The following COL8A1 variants were observed in gnomAD, a reference collection of about 807,000 sequenced individuals.
COL8A1 encodes collagen alpha-1(VIII) chain.
In COL8A1, 21 loss-of-function variants were observed where a neutral mutation model predicts 42.7. That is an observed-to-expected ratio of 0.49 (90% CI 0.35 to 0.71). COL8A1 has a LOEUF of 0.71. Ranked by LOEUF, COL8A1 falls within the 30% of genes least tolerant of loss-of-function variation. The probability of loss-of-function intolerance (pLI) is 0.01; values close to 1 mark genes in which losing one functional copy is unlikely to be tolerated. For missense variants in COL8A1, 788 were observed against 962.4 expected, an observed-to-expected ratio of 0.82 and a Z score of 2.40; for synonymous variants, 367 against 369.1, an observed-to-expected ratio of 0.99 and a Z score of 0.06.
chr3:99,775,451 G>T (rs532910650), intron 2 of COL8A1, among the ~76,000 whole-genome samples: 1 of 152,166 alleles, frequency 6.6e-6, no homozygotes, highest in Non-Finnish European at 1.5e-5. Flanking sequence ...TGTCTTATGC[G>T]TAAACTGTAG....
intron 2 of COL8A1, among the ~76,000 whole-genome samples, chr3:99,772,313 T>A (rs1021291842): frequency 6.6e-6 from 1 of 150,744 alleles, no homozygotes; most frequent in Non-Finnish European, 1.5e-5. Context: ...TTGGGGAGGG[T>A]GAGTAGAGAA....
chr3:99,716,997 T>C (rs1940017686), intron 1 of COL8A1, among the ~76,000 whole-genome samples: 2 of 151,992 alleles, frequency 1.3e-5, no homozygotes, highest in Admixed American at 6.6e-5. Flanking sequence ...CTGTGTTAAA[T>C]GTTAGCAATG....
At chr3:99,719,826 G>A (rs1306427806) in intron 1 of COL8A1, among the ~76,000 whole-genome samples, 2 of 152,058 alleles carry the variant, frequency 1.3e-5, no homozygotes, top group African/African-American at 2.4e-5. Context: ...TGGGGACCTG[G>A]ACTTAGATTC....
Position 99,795,680 on chromosome 3 carries a change from T to C in COL8A1, c.1779T>C (p.Asp593=), listed in dbSNP as rs1371447972. 3.1e-6 allele frequency: 5 copies of C among 1,613,828 alleles called. No homozygotes were observed. Among genetic ancestry groups the C allele is most frequent in the African/African-American group, 1.3e-5 (1 of 74,846 alleles). The change falls in exon 4 of 4, where the codon GAT becomes GAC. Residue 593 remains aspartate (D), a synonymous_variant. Transcript: ENST00000652472. ...TGCCAGATATGGGGCTGGGAATTGA[T>C]GGCGTGAAACCCCCCCATGCCTACG... The part of the protein sequence containing the change: ...EYLPDMGLGI[D]GVKPPHAYGA...
intron 2 of COL8A1, among the ~76,000 whole-genome samples, chr3:99,760,507 AAGAT>A (rs1349108932): frequency 3.3e-5 from 5 of 152,228 alleles, no homozygotes; most frequent in African/African-American, 9.6e-5. Context: ...AATATTTTAA[AAGAT>A]AGATAGGAAT....
At chr3:99,645,672 A>G (rs1287201763) in intron 1 of COL8A1, among the ~76,000 whole-genome samples, 2 of 151,454 alleles carry the variant, frequency 1.3e-5, no homozygotes, top group African/African-American at 4.9e-5. Context: ...CCATTGTAGT[A>G]GATCACATTG....
At position 99,798,268 on chromosome 3, in the gene COL8A1, C is replaced by A. The variant is rs1942137249; in HGVS notation, c.*2132C>A. On this transcript the variant is annotated 3_prime_UTR_variant, in exon 4 of 4. Transcript: ENST00000652472. ...TTGTCACTACTAATTATACAACAATCTTTTCCCAACAAAAAGATGTCCTCC... is the reference window on the plus strand; with the variant it reads ...TTGTCACTACTAATTATACAACAATATTTTCCCAACAAAAAGATGTCCTCC... 6.6e-6 allele frequency: 1 copy of A among 152,128 alleles called. No homozygotes were observed. Among genetic ancestry groups the A allele is most frequent in the South Asian group, 2.1e-4 (1 of 4,822 alleles). The allele number at this position is 152,128 out of a possible 1,614,324, so 9.4% of individuals were successfully genotyped here. A position where few individuals can be genotyped will look rare whatever the true frequency, so the allele number is the denominator to read the frequency against.
At position 99,794,734 on chromosome 3, in the gene COL8A1, G is replaced by T. The variant is rs754558535; in HGVS notation, c.833G>T (p.Gly278Val). The T allele has an allele frequency of 1.2e-6, 2 of 1,603,312 alleles. No individual in the cohort carries two copies. Among genetic ancestry groups the T allele is most frequent in the Non-Finnish European group, 1.7e-6 (2 of 1,176,172 alleles). ...LPGVGKPGVTGFPGPQGPLGK... is the reference protein window; with the variant it reads ...LPGVGKPGVTVFPGPQGPLGK... ...GGAGTGGGCAAACCAGGAGTGACAG[G>T]CTTCCCTGGGCCCCAGGGCCCCCTG... Residue 278 changes from glycine to valine, a missense_variant, in exon 4 of 4, where the codon GGC (glycine) becomes GTC (valine). This residue lies in a region of COL8A1 where 421 missense variants were observed against 553.1 expected (regional missense o/e 0.76). Coordinates refer to ENST00000652472, the MANE Select transcript of COL8A1 (RefSeq NM_020351.4). This position sits in a 1 kb window ranked among gnomAD's most constrained non-coding sequence, Gnocchi z 4.3.
intron 2 of COL8A1, among the ~76,000 whole-genome samples, chr3:99,760,095 ATGT>A (rs1941338753): frequency 1.3e-5 from 2 of 152,118 alleles, no homozygotes; most frequent in Admixed American, 6.6e-5. Flanking sequence ...ATTGTCAGTG[ATGT>A]TGTTGGATAG....
chr3:99,758,634 G>T (rs1047131690), intron 2 of COL8A1, among the ~76,000 whole-genome samples: 1 of 152,108 alleles, frequency 6.6e-6, no homozygotes, highest in Non-Finnish European at 1.5e-5. Flanking sequence ...GCAGATGTCT[G>T]GTCCACTCCC....
chr3:99,665,089 C>CA (rs1938322462), intron 1 of COL8A1, among the ~76,000 whole-genome samples: 1 of 152,230 alleles, frequency 6.6e-6, no homozygotes, highest in African/African-American at 2.4e-5. Flanking sequence ...TGAGCTTCTC[C>CA]ATGCTCCCTC....
At chr3:99,782,947 G>A (rs1386862853) in intron 2 of COL8A1, among the ~76,000 whole-genome samples, 3 of 151,964 alleles carry the variant, frequency 2.0e-5, no homozygotes, top group Non-Finnish European at 4.4e-5. Flanking sequence ...CTTTTTAGGG[G>A]TTTTCCCAAG....
chr3:99,669,671 T>C (rs13079203), intron 1 of COL8A1, among the ~76,000 whole-genome samples: 14,306 of 152,080 alleles, frequency 0.094, 845 homozygotes, highest in Middle Eastern at 0.12. Flanking sequence ...TCCACTTCCA[T>C]ATCCTACATA....
chr3:99,795,237 G>A lies in COL8A1; in HGVS notation c.1336G>A (p.Val446Ile), dbSNP rs1218219939. 1.2e-6 allele frequency: 2 copies of A among 1,613,374 alleles called. No individual in the cohort carries two copies. The highest frequency in any genetic ancestry group is 2.7e-5 in the African/African-American group (2 of 74,884). The change falls in exon 4 of 4, where the codon GTA becomes ATA. Residue 446 changes from valine (V) to isoleucine (I), a missense_variant. Transcript: ENST00000652472. ...FPGKPGFLGE[V>I]GPPGMRGLPG... ...AGGAAAGCCAGGTTTCCTTGGTGAAGTAGGGCCTCCTGGCATGAGGGGTTT... is the reference window on the plus strand; with the variant it reads ...AGGAAAGCCAGGTTTCCTTGGTGAAATAGGGCCTCCTGGCATGAGGGGTTT...
intron 1 of COL8A1, among the ~76,000 whole-genome samples, chr3:99,687,116 T>C (rs1939078131): frequency 1.3e-5 from 2 of 152,162 alleles, no homozygotes; most frequent in Non-Finnish European, 2.9e-5. Context: ...AGTGCTGGGA[T>C]TACAGGCAGG....
chr3:99,719,036 G>A (rs1403323352), intron 1 of COL8A1, among the ~76,000 whole-genome samples: 2 of 151,894 alleles, frequency 1.3e-5, no homozygotes, highest in African/African-American at 4.8e-5. Flanking sequence ...ACTCTGTGTG[G>A]GCAAGTTACT....
rs77749754 is a variant in COL8A1, at chr3:99,767,639, G to T, written c.-4+22618G>T. On this transcript the variant is annotated intron_variant, in intron 2 of 3. Transcript: ENST00000652472. ...TCATAAAGTCACATTTCATTAGGATGAATGTTTTGCCGCAACCCAACTATA... is the reference window on the plus strand; with the variant it reads ...TCATAAAGTCACATTTCATTAGGATTAATGTTTTGCCGCAACCCAACTATA... Among the ~76,000 whole-genome samples, 78 of 152,302 alleles carry T rather than the reference G, an allele frequency of 5.1e-4. 1 individual carries two copies. In the East Asian group the frequency reaches 0.013, roughly 25 times the overall value.
chr3:99,794,963 C>T lies in COL8A1; in HGVS notation c.1062C>T (p.Gly354=), dbSNP rs746278638. ...GCCTTCCAGGGATTGGGAAACCAGG[C>T]TTCCCAGGACCCAAAGGTGACCGGG... ...PPGLPGIGKP[G]FPGPKGDRGM... The change falls in exon 4 of 4, where the codon GGC becomes GGT. Residue 354 remains glycine (G), a synonymous_variant. Transcript: ENST00000652472. This position sits in a 1 kb window ranked among gnomAD's most constrained non-coding sequence, Gnocchi z 4.3. 6.9e-6 allele frequency: 11 copies of T among 1,596,358 alleles called. No individual in the cohort carries two copies. In the Admixed American group the frequency reaches 1.6e-4, roughly 23 times the overall value.
chr3:99,664,315 C>G (rs1429807729), intron 1 of COL8A1, among the ~76,000 whole-genome samples: 2 of 152,124 alleles, frequency 1.3e-5, no homozygotes, highest in African/African-American at 2.4e-5. Context: ...ATTAATGTAA[C>G]AAGATATTTT....
Sources: allele counts gnomAD v4.1 joint callset (sites outside exome capture counted in the v4.1 genomes callset), GRCh38; gene constraint gnomAD v4.1.1; regional missense constraint gnomAD v4.1.1; non-coding constraint Gnocchi (gnomAD v3.1); transcripts MANE v1.5; gene names NCBI Gene and HGNC (gene_info 2026-07-23, HGNC 2026-07-21).